Variants in CEP85L observed in about 807,000 individuals in gnomAD.
CEP85L encodes centrosomal protein of 85 kDa-like.
CEP85L carries 60 observed loss-of-function variants against 100.3 expected under a neutral mutation model. The observed-to-expected ratio is 0.60, with a 90% CI of 0.49 to 0.74. The LOEUF (loss-of-function observed/expected upper bound fraction) is 0.74. Ranked by LOEUF, CEP85L falls within the 30% of genes least tolerant of loss-of-function variation. CEP85L has a pLI of 0.00. For synonymous variants in CEP85L, 319 were observed against 322.7 expected (o/e 0.99, Z 0.12); for missense variants, 973 against 936.2 (o/e 1.04, Z -0.51).
At chr6:118,648,544 AC>A (rs1484993693) in intron 1 of CEP85L, among the ~76,000 whole-genome samples, 1 of 152,040 alleles carries the variant, frequency 6.6e-6, no homozygotes, top group African/African-American at 2.4e-5. Context: ...GATCGAGACC[AC>A]CCTGGGTAAC....
chr6:118,543,856 CAG>C (rs1416527764), intron 3 of CEP85L, among the ~76,000 whole-genome samples: 3 of 152,102 alleles, frequency 2.0e-5, no homozygotes, highest in Admixed American at 6.5e-5. Flanking sequence ...ACTTGGATAT[CAG>C]AGTAAAAACT....
chr6:118,602,716 G>A (rs1781846554), intron 2 of CEP85L, among the ~76,000 whole-genome samples: 1 of 152,042 alleles, frequency 6.6e-6, no homozygotes, highest in African/African-American at 2.4e-5. Context: ...ATAAAACTTG[G>A]CCTGATTATT....
At position 118,501,656 on chromosome 6, in the gene CEP85L, A is replaced by T. The variant is rs550722252; in HGVS notation, c.1257+9642T>A. 649 of 654,524 alleles carry T rather than the reference A, an allele frequency of 9.9e-4. 11 individuals carry two copies. Among genetic ancestry groups the T allele is most frequent in the South Asian group, 9.1e-3 (641 of 70,450 alleles). The allele number at this position is 654,524 out of a possible 1,614,324, so 40.5% of individuals were successfully genotyped here. On this transcript the variant is annotated intron_variant, in intron 5 of 12. Transcript: ENST00000368491. ...AGAGACCACTTATTATAAAGCTGCA[A>T]AGAAGCTGTTACACTCAGAGATGAA...
intron 4 of CEP85L, among the ~76,000 whole-genome samples, chr6:118,516,310 T>C (rs1228521314): frequency 6.6e-6 from 1 of 152,218 alleles, no homozygotes; most frequent in African/African-American, 2.4e-5. Flanking sequence ...TGGTTCTAGA[T>C]CCTTGAGGAA....
At chr6:118,471,696 C>G (rs891679432) in intron 10 of CEP85L, among the ~76,000 whole-genome samples, 1 of 150,184 alleles carries the variant, frequency 6.7e-6, no homozygotes, top group African/African-American at 2.4e-5. Context: ...AGAAGTTGGA[C>G]AGAAATGAAT....
At chr6:118,664,160 T>A (rs1219515934) in intron 1 of CEP85L, among the ~76,000 whole-genome samples, 8 of 152,116 alleles carry the variant, frequency 5.3e-5, no homozygotes, top group Non-Finnish European at 1.2e-4. Flanking sequence ...CCTCCCAAAG[T>A]CCTGAGATCA....
chr6:118,519,112 GA>G (rs1048929986), intron 4 of CEP85L, among the ~76,000 whole-genome samples: 1 of 151,778 alleles, frequency 6.6e-6, no homozygotes, highest in Non-Finnish European at 1.5e-5. Context: ...GCCTATACCA[GA>G]AAAAAAGAAA....
chr6:118,575,551 CA>C (rs1322183740), intron 2 of CEP85L, among the ~76,000 whole-genome samples: 2 of 152,152 alleles, frequency 1.3e-5, no homozygotes, highest in East Asian at 3.9e-4. Flanking sequence ...CTTCCCCCGC[CA>C]AACACCTCTA....
In CEP85L at chr6:118,465,434, C is replaced by A; in HGVS notation, c.2389G>T (p.Asp797Tyr). The stretch of plus-strand genomic sequence containing the variant: ...TGAGTAATGCAGTTGTCTCCCATGT[C>A]CTGAGCATAGCGGTCTGATATTGTA... ...RTTISDRYAQDMGDNCITQ is the reference protein window; with the variant it reads ...RTTISDRYAQYMGDNCITQ The change falls in exon 13 of 13, where the codon GAC becomes TAC. Residue 797 changes from aspartate to tyrosine, a missense_variant. Transcript: ENST00000368491. The A allele has an allele frequency of 1.2e-6, 2 of 1,613,412 alleles. No individual in the cohort carries two copies. The highest frequency in any genetic ancestry group is 1.7e-6 in the Non-Finnish European group (2 of 1,179,558).
At chr6:118,528,737 A>G (rs1777116287) in intron 3 of CEP85L, among the ~76,000 whole-genome samples, 1 of 152,228 alleles carries the variant, frequency 6.6e-6, no homozygotes, top group Admixed American at 6.5e-5. Flanking sequence ...CCTTCTAAGG[A>G]GAATGGCTTT....
In CEP85L at chr6:118,600,300, G is replaced by GGGTGTGT. The variant is rs1562297733; in HGVS notation, c.232+32152_232+32153insACACACC. On this transcript the variant is annotated intron_variant, in intron 2 of 12. Coordinates refer to ENST00000368491, the MANE Select transcript of CEP85L (RefSeq NM_001042475.3). ...CTGCCTGTCCCTGAGCCTTCCTGGG[G>GGGTGTGT]GTGTGTGTGTGTGTGTGTGTGTGTG... is the stretch of plus-strand genomic sequence containing the variant. Among the ~76,000 whole-genome samples, 157 of 52,238 alleles carry GGGTGTGT rather than the reference G, an allele frequency of 3.0e-3. 30 individuals are homozygous for GGGTGTGT. The highest frequency in any genetic ancestry group is 5.6e-3 in the South Asian group (8 of 1,420). The allele number at this position is 52,238 out of a possible 152,430, so 34.3% of individuals were successfully genotyped here.
intron 2 of CEP85L, among the ~76,000 whole-genome samples, chr6:118,587,165 C>T (rs746578607): frequency 6.6e-6 from 1 of 152,178 alleles, no homozygotes; most frequent in Non-Finnish European, 1.5e-5. Context: ...CCGGAACTCA[C>T]CATCTTAGGA....
In CEP85L at chr6:118,485,634, T is replaced by C. The variant is rs1443264921; in HGVS notation, c.1438-1776A>G. On this transcript the variant is annotated intron_variant, in intron 6 of 12. Coordinates refer to ENST00000368491, the MANE Select transcript of CEP85L (RefSeq NM_001042475.3). ...GTGACCATATAATACAATTCCCTTTTTACAGATGAGGCCCAAAGATCTTTA... is the reference window on the plus strand; with the variant it reads ...GTGACCATATAATACAATTCCCTTTCTACAGATGAGGCCCAAAGATCTTTA... 8.5e-5 allele frequency among the ~76,000 whole-genome samples: 13 copies of C among 152,212 alleles called. No individual in the cohort carries two copies. The East Asian group carries it at 2.5e-3, about 29-fold the overall frequency.
At chr6:118,587,764 A>G (rs1355496225) in intron 2 of CEP85L, among the ~76,000 whole-genome samples, 2 of 152,190 alleles carry the variant, frequency 1.3e-5, no homozygotes, top group African/African-American at 2.4e-5. Context: ...CTAATTTTTC[A>G]AAACTCCATT....
rs143269607 is a variant in CEP85L, at chr6:118,501,343, G to A, written c.1258-9478C>T. On this transcript the variant is annotated intron_variant, in intron 5 of 12. Transcript: ENST00000368491. ...GAGCAGGGCCTACCAAACCCCGCACGCCAATGCAGGGGGTTAGCATGTGTG... is the reference window on the plus strand; with the variant it reads ...GAGCAGGGCCTACCAAACCCCGCACACCAATGCAGGGGGTTAGCATGTGTG... 5.0e-4 allele frequency: 180 copies of A among 361,060 alleles called. 1 individual carries two copies. The highest frequency in any genetic ancestry group is 3.5e-3 in the African/African-American group (165 of 46,750). 22.4% of individuals were successfully genotyped at this position (361,060 alleles called of 1,614,324 possible).
At chr6:118,599,122 C>T (rs9489457) in intron 2 of CEP85L, among the ~76,000 whole-genome samples, 24,939 of 152,086 alleles carry the variant, frequency 0.16, 2,173 homozygotes, top group Non-Finnish European at 0.19. Context: ...AATGACAACC[C>T]AATAATAACA....
At chr6:118,700,658 G>C (rs927650456) in intron 1 of CEP85L, among the ~76,000 whole-genome samples, 3 of 152,164 alleles carry the variant, frequency 2.0e-5, no homozygotes, top group Non-Finnish European at 4.4e-5. Flanking sequence ...GAATCTACAC[G>C]CAGTTCTGGT....
intron 2 of CEP85L, 54 bp from the exon 3 acceptor site, chr6:118,566,370 G>A (rs755490065): frequency 7.1e-7 from 1 of 1,400,538 alleles, no homozygotes; most frequent in Non-Finnish European, 9.7e-7. Flanking sequence ...AAAAGAGAAT[G>A]AGGTAAAATG....
At chr6:118,545,573 T>A (rs563298551) in intron 3 of CEP85L, among the ~76,000 whole-genome samples, 36 of 152,138 alleles carry the variant, frequency 2.4e-4, no homozygotes, top group Non-Finnish European at 3.7e-4. Context: ...AGTAACAGAG[T>A]GAGACTCCGC....
Sources: allele counts gnomAD v4.1 joint callset (sites outside exome capture counted in the v4.1 genomes callset), GRCh38; gene constraint gnomAD v4.1.1; transcripts MANE v1.5; gene names NCBI Gene and HGNC (gene_info 2026-07-23, HGNC 2026-07-21).